Variants in SMARCC1 observed in about 807,000 individuals in gnomAD.
SMARCC1 encodes SWI/SNF related BAF chromatin remodeling complex subunit C1.
In SMARCC1, 43 loss-of-function variants were observed where a neutral mutation model predicts 147.4. The ratio of observed to expected loss-of-function variants is 0.29; its 90% CI spans 0.23 to 0.38. SMARCC1 has a LOEUF of 0.38. Among genes scored for constraint, SMARCC1 ranks in the 10% least tolerant of loss-of-function variants. SMARCC1 has a pLI of 1.00. For synonymous variants in SMARCC1, 495 were observed against 484.4 expected (o/e 1.02, Z -0.29); for missense variants, 1,119 against 1,381.1 (o/e 0.81, Z 3.01).
intron 2 of SMARCC1, among the ~76,000 whole-genome samples, chr3:47,750,169 C>A (rs1208071718): frequency 6.6e-6 from 1 of 151,920 alleles, no homozygotes; most frequent in Non-Finnish European, 1.5e-5. Flanking sequence ...GGCGCGGTGG[C>A]TCACGCCAAT....
At chr3:47,713,312 C>T (rs527418026) in intron 8 of SMARCC1, among the ~76,000 whole-genome samples, 59 of 134,048 alleles carry the variant, frequency 4.4e-4, no homozygotes, top group African/African-American at 1.7e-3. Context: ...AGCCAGACTC[C>T]GTCTCAAAAT....
chr3:47,697,080 G>C (rs1260598593), intron 11 of SMARCC1, among the ~76,000 whole-genome samples: 3 of 152,130 alleles, frequency 2.0e-5, no homozygotes, highest in Non-Finnish European at 4.4e-5. Flanking sequence ...TTGCAATTTG[G>C]GAGGCTGAGG....
chr3:47,638,629 T>C (rs12636863), intron 22 of SMARCC1, 96 bp downstream of exon 22: 511,407 of 796,108 alleles, frequency 0.64, 167,567 homozygotes, highest in East Asian at 0.72. Flanking sequence ...TAGAATTATT[T>C]AGAGTCCCCT....
In SMARCC1 at chr3:47,706,472, T is replaced by C. The variant is rs971296888; in HGVS notation, c.977A>G (p.Lys326Arg). The change falls in exon 10 of 28, where the codon AAA becomes AGA. Residue 326 changes from lysine (K) to arginine (R), a missense_variant. Transcript: ENST00000254480. Reference sequence around the variant, plus strand: ...CGGAGGGGGAGGCGAAGGCGAATGTTTCCTCTTTCGAGCATTAGCTGATGC... The same window carrying C: ...CGGAGGGGGAGGCGAAGGCGAATGTCTCCTCTTTCGAGCATTAGCTGATGC... Reference protein sequence around the residue: ...RKASANARKRKHSPSPPPPTP... With the variant: ...RKASANARKRRHSPSPPPPTP... 6.3e-7 allele frequency: 1 copy of C among 1,581,316 alleles called. No individual in the cohort carries two copies. The highest frequency in any genetic ancestry group is 1.4e-5 in the African/African-American group (1 of 72,488).
chr3:47,744,112 A>C (rs1163606436), intron 3 of SMARCC1, among the ~76,000 whole-genome samples: 1 of 152,182 alleles, frequency 6.6e-6, no homozygotes, highest in Admixed American at 6.6e-5. Context: ...GAAAACAGAG[A>C]GCTACCTCTG....
chr3:47,735,331 G>A (rs1008120436), intron 5 of SMARCC1, among the ~76,000 whole-genome samples: 11 of 151,878 alleles, frequency 7.2e-5, no homozygotes, highest in African/African-American at 1.9e-4. Context: ...GATGAGGGGA[G>A]AGAAAAAAAA....
chr3:47,658,885 C>T (rs1260493719), intron 21 of SMARCC1, among the ~76,000 whole-genome samples: 3 of 152,060 alleles, frequency 2.0e-5, no homozygotes, highest in East Asian at 1.9e-4. Flanking sequence ...TTTGGCAGAC[C>T]GAGGCGGGTG....
chr3:47,732,639 A>G (rs958706025), intron 5 of SMARCC1, among the ~76,000 whole-genome samples: 1 of 152,172 alleles, frequency 6.6e-6, no homozygotes, highest in African/African-American at 2.4e-5. Flanking sequence ...GGTCTCAGGG[A>G]ATAGGCAGGC....
At chr3:47,673,395 A>AAGGGGGGG (rs1553682242) in intron 18 of SMARCC1, among the ~76,000 whole-genome samples, 1 of 15,876 alleles carries the variant, frequency 6.3e-5, no homozygotes. Flanking sequence ...CAAAAAAAAA[A>AAGGGGGGG]GGGTGGGGGG....
intron 1 of SMARCC1, among the ~76,000 whole-genome samples, chr3:47,775,401 T>C: frequency 1.3e-5 from 2 of 149,510 alleles, no homozygotes; most frequent in Non-Finnish European, 1.5e-5. Flanking sequence ...ACCTCGTGAT[T>C]CGCCTGCCTC....
At chr3:47,752,021 T>C (rs1312428967) in intron 2 of SMARCC1, among the ~76,000 whole-genome samples, 1 of 151,836 alleles carries the variant, frequency 6.6e-6, no homozygotes, top group Admixed American at 6.6e-5. Context: ...GAGGCAGAGG[T>C]TGCGATGAAC....
chr3:47,659,282 T>G lies in SMARCC1; in HGVS notation c.2320+2012A>C, dbSNP rs190799482. 4.1e-3 allele frequency among the ~76,000 whole-genome samples: 508 copies of G among 123,394 alleles called. 3 individuals are homozygous for G. The highest frequency in any genetic ancestry group is 5.0e-3 in the Admixed American group (62 of 12,478). 81.0% of individuals were successfully genotyped at this position (123,394 alleles called of 152,430 possible). A position where few individuals can be genotyped will look rare whatever the true frequency, so the allele number is the denominator to read the frequency against. ...AAAATAAAAATAAATAAATAAAAAA[T>G]AAAAAAAAAAGAAAAAAAAAAGAAC... is the stretch of plus-strand genomic sequence containing the variant. On this transcript the variant is annotated intron_variant, in intron 21 of 27. Coordinates refer to ENST00000254480, the MANE Select transcript of SMARCC1 (RefSeq NM_003074.4).
chr3:47,630,982 T>C (rs887592625), intron 24 of SMARCC1, among the ~76,000 whole-genome samples: 5 of 152,010 alleles, frequency 3.3e-5, no homozygotes, highest in African/African-American at 7.2e-5. Flanking sequence ...AGGATCTCAT[T>C]TGAGCCCAGG....
Position 47,720,649 on chromosome 3 carries a change from C to T in SMARCC1, c.716+17G>A, listed in dbSNP as rs775900817. The T allele has an allele frequency of 2.7e-5, 41 of 1,537,018 alleles. No homozygotes were observed. Among genetic ancestry groups the T allele is most frequent in the South Asian group, 1.0e-4 (9 of 85,950 alleles). ...ACAGAAATCTTTATACCAGGTCTCACAGCATATGAACATTACCTGTCTGGG... is the reference window on the plus strand; with the variant it reads ...ACAGAAATCTTTATACCAGGTCTCATAGCATATGAACATTACCTGTCTGGG... On this transcript the variant is annotated intron_variant, in intron 7 of 27. Coordinates refer to ENST00000254480, the MANE Select transcript of SMARCC1 (RefSeq NM_003074.4).
intron 24 of SMARCC1, among the ~76,000 whole-genome samples, chr3:47,633,763 A>T (rs867176456): frequency 0.045 from 1,415 of 31,470 alleles, 61 homozygotes; most frequent in South Asian, 0.091. Context: ...AAAAAAAAAA[A>T]ATATATATAT....
At chr3:47,746,661 T>G (rs1373337311) in intron 2 of SMARCC1, among the ~76,000 whole-genome samples, 1 of 151,040 alleles carries the variant, frequency 6.6e-6, no homozygotes, top group Non-Finnish European at 1.5e-5. Flanking sequence ...TTTGAGTAAT[T>G]AGTCTGTCAA....
At chr3:47,654,761 G>C (rs893796616) in intron 21 of SMARCC1, among the ~76,000 whole-genome samples, 2 of 152,158 alleles carry the variant, frequency 1.3e-5, no homozygotes, top group Non-Finnish European at 2.9e-5. Context: ...ACTCTGAGGC[G>C]AATGAATCCA....
rs146316821 is a variant in SMARCC1 at position 47,662,431 on chromosome 3, G to A, written c.2061C>T (p.Pro687=). 4.3e-6 allele frequency: 7 copies of A among 1,613,988 alleles called. No individual in the cohort carries two copies. The African/African-American group carries it at 9.3e-5, about 22-fold the overall frequency. Reference sequence around the variant, plus strand: ...TAACTGGATTTCCTGACTGACTGAAGGGGACAGGCTGGTAGGCCAAAGGCC... The same window carrying A: ...TAACTGGATTTCCTGACTGACTGAAAGGGACAGGCTGGTAGGCCAAAGGCC... The part of the protein sequence containing the change: ...SLGPLAYQPV[P]FSQSGNPVMS... The change falls in exon 20 of 28, where the codon CCC becomes CCT. Residue 687 remains proline (P), a synonymous_variant. Coordinates refer to ENST00000254480, the MANE Select transcript of SMARCC1 (RefSeq NM_003074.4).
At chr3:47,720,757 CT>C in intron 6 of SMARCC1, 22 bp from the exon 7 acceptor site, 1 of 1,538,256 alleles carries the variant, frequency 6.5e-7, no homozygotes, top group Non-Finnish European at 8.9e-7. Flanking sequence ...AAAGAAACAA[CT>C]TTACTCAAAC....
Sources: gnomAD v4.1 joint callset for allele counts (sites outside exome capture counted in the v4.1 genomes callset) on GRCh38, gnomAD v4.1.1 for gene constraint, MANE v1.5 for transcripts, NCBI Gene and HGNC (gene_info 2026-07-23, HGNC 2026-07-21) for gene names.